RABL2B: variants seen among roughly 807,000 people sequenced by gnomAD.
The protein encoded by RABL2B is rab-like protein 2B.
Under a neutral mutation model 26.7 loss-of-function variants are expected in RABL2B, and 17 were observed. The observed-to-expected ratio is 0.64, with a 90% confidence interval of 0.44 to 0.95. The LOEUF (loss-of-function observed/expected upper bound fraction) is 0.95, where lower values mean the gene tolerates loss of function less well. Ranked by LOEUF, RABL2B falls within the 40% of genes least tolerant of loss-of-function variation. RABL2B has a pLI of 0.00. For missense variants in RABL2B, 170 were observed against 277.2 expected (o/e 0.61, Z 2.75); for synonymous variants, 70 against 103.9 (o/e 0.67, Z 1.99).
chr22:50,770,502 A>C (rs1250335728), intron 5 of RABL2B: 1 of 165,222 alleles, frequency 6.1e-6, no homozygotes, highest in Non-Finnish European at 1.3e-5. Flanking sequence ...GGGCAACAAG[A>C]GCAAAACTCT....
At chr22:50,769,355 CG>C in intron 7 of RABL2B, 99 bp downstream of exon 7, 5 of 1,612,428 alleles carry the variant, frequency 3.1e-6, no homozygotes, top group Non-Finnish European at 4.2e-6. Flanking sequence ...TGCACTGTCC[CG>C]GTTCTCTCCA....
At chr22:50,775,440 G>T (rs1569170154) in intron 5 of RABL2B, among the ~76,000 whole-genome samples, 1 of 152,188 alleles carries the variant, frequency 6.6e-6, no homozygotes, top group Non-Finnish European at 1.5e-5. Flanking sequence ...GTGGAGGGAG[G>T]CCTTGGGAGC....
rs1603451008 is a variant in RABL2B at position 50,778,866 on chromosome 22, A to G, written c.108-885T>C. On this transcript the variant is annotated intron_variant, in intron 2 of 8. Coordinates refer to ENST00000691320, the MANE Select transcript of RABL2B (RefSeq NM_001130919.3). ...GTCAGTGTAATACACTCTAACCATG[A>G]TTTTATACTTCTGATATTTAAACTG... Among the ~76,000 whole-genome samples the G allele has an allele frequency of 2.0e-5, 3 of 148,990 alleles. No homozygotes were observed. The South Asian group carries it at 6.4e-4, about 32-fold the overall frequency.
chr22:50,779,155 C>A (rs1193793661), intron 2 of RABL2B, among the ~76,000 whole-genome samples: 29 of 150,996 alleles, frequency 1.9e-4, no homozygotes, highest in Non-Finnish European at 1.5e-5. Flanking sequence ...AGAATAAAAA[C>A]ACAGGCACAG....
chr22:50,773,736 T>C (rs1374668957), intron 5 of RABL2B, among the ~76,000 whole-genome samples: 1 of 151,358 alleles, frequency 6.6e-6, no homozygotes, highest in Non-Finnish European at 1.5e-5. Context: ...CAGCTCCTTC[T>C]GCATCCCCTC....
At chr22:50,778,019 C>T (rs782736808) in intron 2 of RABL2B, 38 bp from the exon 3 acceptor site, 3 of 1,614,050 alleles carry the variant, frequency 1.9e-6, no homozygotes, top group Non-Finnish European at 2.5e-6. Context: ...GATGGCGTCT[C>T]CATCTCTCCC....
intron 4 of RABL2B, among the ~76,000 whole-genome samples, chr22:50,776,300 G>A (rs1288174969): frequency 6.6e-6 from 1 of 152,198 alleles, no homozygotes; most frequent in Non-Finnish European, 1.5e-5. Flanking sequence ...ATAATGTTCT[G>A]ACCACATTTA....
intron 2 of RABL2B, 91 bp downstream of exon 2, chr22:50,782,097 A>C (rs1185091597): frequency 1.6e-5 from 12 of 761,382 alleles, no homozygotes; most frequent in African/African-American, 1.3e-4. Context: ...CACCAGCCCC[A>C]AGAAGCCATG....
At chr22:50,781,424 C>G (rs199606210) in intron 2 of RABL2B, among the ~76,000 whole-genome samples, 21 of 107,148 alleles carry the variant, frequency 2.0e-4, no homozygotes, top group South Asian at 1.3e-3. Flanking sequence ...GAGAGAGAGA[C>G]AGAGAATTCA....
At chr22:50,779,437 A>G (rs1437450476) in intron 2 of RABL2B, among the ~76,000 whole-genome samples, 2 of 151,578 alleles carry the variant, frequency 1.3e-5, no homozygotes, top group African/African-American at 4.9e-5. Context: ...CCCTCAGGAT[A>G]ATGAGAGCTT....
chr22:50,773,278 A>AGAGT (rs2084455556), intron 5 of RABL2B, among the ~76,000 whole-genome samples: 1 of 152,172 alleles, frequency 6.6e-6, no homozygotes, highest in Non-Finnish European at 1.5e-5. Context: ...AACAGTTATC[A>AGAGT]GAGTTAAAGC....
chr22:50,768,497 C>A lies in RABL2B; in HGVS notation c.*279G>T. The stretch of plus-strand genomic sequence containing the variant: ...TAATCATGTTTTCTGATTCTCTTCA[C>A]TGTCTGCCTGCGGGGAGGGGGTGGG... On this transcript the variant is annotated 3_prime_UTR_variant, in exon 9 of 9. Transcript: ENST00000691320. The A allele has an allele frequency of 1.6e-6, 1 of 606,790 alleles. No individual in the cohort carries two copies. The highest frequency in any genetic ancestry group is 2.8e-6 in the Non-Finnish European group (1 of 362,060). 37.6% of individuals were successfully genotyped at this position (606,790 alleles called of 1,614,324 possible). A position where few individuals can be genotyped will look rare whatever the true frequency, so the allele number is the denominator to read the frequency against.
At chr22:50,780,971 C>T (rs1360865121) in intron 2 of RABL2B, among the ~76,000 whole-genome samples, 1 of 151,994 alleles carries the variant, frequency 6.6e-6, no homozygotes, top group Non-Finnish European at 1.5e-5. Context: ...ATTGGGTAAC[C>T]TTCCCAAACT....
At chr22:50,769,771 C>G in intron 6 of RABL2B, 134 bp downstream of exon 6, 1 of 954,712 alleles carries the variant, frequency 1.0e-6, no homozygotes, top group Non-Finnish European at 1.6e-6. Context: ...TGCAAGCAAC[C>G]AACCAAGGGT....
chr22:50,774,534 C>A (rs1398730657), intron 5 of RABL2B, among the ~76,000 whole-genome samples: 1 of 149,100 alleles, frequency 6.7e-6, no homozygotes, highest in Non-Finnish European at 1.5e-5. Context: ...ATGCCCCAGG[C>A]AGTTCCAGCC....
chr22:50,768,627 C>A lies in RABL2B; in HGVS notation c.*149G>T. ...TGGTGCTGACCTCATCCCTGTATCA[C>A]GGGCCTAGAATGTGGGAGGCTAATA... On this transcript the variant is annotated 3_prime_UTR_variant, in exon 9 of 9. Transcript: ENST00000691320. 1 of 1,472,908 alleles carries A rather than the reference C, an allele frequency of 6.8e-7. No homozygotes were observed. Among genetic ancestry groups the A allele is most frequent in the Non-Finnish European group, 9.0e-7 (1 of 1,108,110 alleles). The allele number at this position is 1,472,908 out of a possible 1,614,324, so 91.2% of individuals were successfully genotyped here. A position where few individuals can be genotyped will look rare whatever the true frequency, so the allele number is the denominator to read the frequency against.
intron 2 of RABL2B, among the ~76,000 whole-genome samples, chr22:50,781,166 C>T (rs180735770): frequency 1.0e-3 from 155 of 152,018 alleles, no homozygotes; most frequent in African/African-American, 3.4e-3. Flanking sequence ...AGGTGAAGCC[C>T]CGTCTCTACT....
chr22:50,773,241 C>T, intron 5 of RABL2B: 6 of 1,282,480 alleles, frequency 4.7e-6, no homozygotes, highest in Admixed American at 2.4e-5. Flanking sequence ...ATTTTCCTTG[C>T]CCCATCATCC....
At chr22:50,774,035 C>G (rs2084590647) in intron 5 of RABL2B, among the ~76,000 whole-genome samples, 1 of 152,172 alleles carries the variant, frequency 6.6e-6, no homozygotes. Flanking sequence ...GCTAGGACTA[C>G]AGGCGCCCGC....
Sources: gnomAD v4.1 joint callset for allele counts (sites outside exome capture counted in the v4.1 genomes callset) on GRCh38, gnomAD v4.1.1 for gene constraint, MANE v1.5 for transcripts, NCBI Gene and HGNC (gene_info 2026-07-23, HGNC 2026-07-21) for gene names.